DNAJC17: variants seen among roughly 807,000 people sequenced by gnomAD.
The protein encoded by DNAJC17 is DnaJ heat shock protein family (Hsp40) member C17, also known as dnaJ homolog subfamily C member 17.
In DNAJC17, 35 loss-of-function variants were observed where a neutral mutation model predicts 48.1. The observed-to-expected ratio is 0.73, with a 90% confidence interval of 0.56 to 0.96. The LOEUF is 0.96. Ranked by LOEUF, DNAJC17 falls within the 50% of genes least tolerant of loss-of-function variation. The probability of loss-of-function intolerance (pLI) is 0.00; values close to 1 mark genes in which losing one functional copy is unlikely to be tolerated. For missense variants in DNAJC17, 355 were observed against 377.1 expected (o/e 0.94, Z 0.48); for synonymous variants, 117 against 142.7 (o/e 0.82, Z 1.28).
chr15:40,767,148 G>C lies in DNAJC17; in HGVS notation c.*792C>G. 7.2e-7 allele frequency: 1 copy of C among 1,389,472 alleles called. No homozygotes were observed. The highest frequency in any genetic ancestry group is 1.5e-5 in the African/African-American group (1 of 66,738). 86.1% of individuals were successfully genotyped at this position (1,389,472 alleles called of 1,614,324 possible). A position where few individuals can be genotyped will look rare whatever the true frequency, so the allele number is the denominator to read the frequency against. The stretch of plus-strand genomic sequence containing the variant: ...GAGTCACTACAAGAGTGGCCAGGCT[G>C]CCTGCTGCAGACACTAGCTTTGTAC... On this transcript the variant is annotated 3_prime_UTR_variant, in exon 11 of 11. Transcript: ENST00000220496.
intron 1 of DNAJC17, among the ~76,000 whole-genome samples, chr15:40,793,020 G>T (rs890349075): frequency 1.5e-4 from 22 of 151,112 alleles, no homozygotes; most frequent in African/African-American, 5.4e-4. Context: ...AGCCTCCCGA[G>T]TAGCTGGGAC....
chr15:40,777,610 C>T (rs1348557595), intron 4 of DNAJC17, among the ~76,000 whole-genome samples: 6 of 151,654 alleles, frequency 4.0e-5, no homozygotes, highest in East Asian at 1.9e-4. Context: ...CCCAGCTACT[C>T]GGGAGGCTGA....
chr15:40,802,426 C>T (rs913270940), intron 1 of DNAJC17, among the ~76,000 whole-genome samples: 2 of 152,134 alleles, frequency 1.3e-5, no homozygotes, highest in African/African-American at 4.8e-5. Context: ...GCCTGGGCCT[C>T]TCGAAGTGCT....
At chr15:40,771,098 G>A (rs1040192289) in intron 10 of DNAJC17, 38 of 1,382,128 alleles carry the variant, frequency 2.7e-5, no homozygotes, top group Non-Finnish European at 3.6e-5. Flanking sequence ...ACAGGGACAG[G>A]ACTCCAGGCC....
At position 40,770,139 on chromosome 15, in the gene DNAJC17, G is replaced by A. The variant is rs1189422074; in HGVS notation, c.793-2077C>T. On this transcript the variant is annotated intron_variant, in intron 10 of 10. Coordinates refer to ENST00000220496, the MANE Select transcript of DNAJC17 (RefSeq NM_018163.3). This position sits in a 1 kb window ranked among gnomAD's most constrained non-coding sequence, Gnocchi z 5.0. ...AGCGCTCGCCAGCCTCACCCAGCCC[G>A]AGAAGGTCCACCTCTGCCTCCGCCG... The A allele has an allele frequency of 8.9e-6, 2 of 225,978 alleles. No individual in the cohort carries two copies. The highest frequency in any genetic ancestry group is 1.7e-5 in the Non-Finnish European group (2 of 114,294). The allele number at this position is 225,978 out of a possible 1,614,324, so 14.0% of individuals were successfully genotyped here.
chr15:40,778,402 G>A (rs1046207614), intron 4 of DNAJC17, among the ~76,000 whole-genome samples: 2 of 151,980 alleles, frequency 1.3e-5, no homozygotes, highest in East Asian at 1.9e-4. Context: ...ACAGGCACCC[G>A]CCACCACACC....
chr15:40,805,240 G>C (rs1890172080), intron 1 of DNAJC17, among the ~76,000 whole-genome samples: 1 of 151,818 alleles, frequency 6.6e-6, no homozygotes, highest in South Asian at 2.1e-4. Flanking sequence ...GCTGGGCGTG[G>C]TGGCGGGTGC....
chr15:40,792,137 C>T (rs1461899019), intron 1 of DNAJC17, among the ~76,000 whole-genome samples: 2 of 152,224 alleles, frequency 1.3e-5, no homozygotes, highest in South Asian at 2.1e-4. Flanking sequence ...CTGCATGCCC[C>T]GGTTGCTCCT....
At position 40,779,909 on chromosome 15, in the gene DNAJC17, G is replaced by A. The variant is rs112182506; in HGVS notation, c.148+19C>T. 7.8e-4 allele frequency: 1,264 copies of A among 1,612,262 alleles called. 9 individuals carry two copies. In the African/African-American group the frequency reaches 0.015, roughly 19 times the overall value. ...GGTGAGTGGGTTTCTTTCTCCCCAC[G>A]CCCTGAGAAGAGTCTCACCTGCTCT... On this transcript the variant is annotated intron_variant, in intron 2 of 10. Transcript: ENST00000220496.
chr15:40,780,100 A>G (rs1287092798), intron 1 of DNAJC17, 103 bp from the exon 2 acceptor site: 1 of 1,170,656 alleles, frequency 8.5e-7, no homozygotes, highest in South Asian at 1.3e-5. Context: ...CACCTAAAAG[A>G]GAAGCTGCTG....
At chr15:40,781,167 A>G (rs913523297) in intron 1 of DNAJC17, among the ~76,000 whole-genome samples, 6 of 151,632 alleles carry the variant, frequency 4.0e-5, no homozygotes, top group Non-Finnish European at 7.4e-5. Context: ...AAAAAAAAAA[A>G]AAAAAAAGAT....
At chr15:40,785,896 T>C (rs1164987090) in intron 1 of DNAJC17, among the ~76,000 whole-genome samples, 1 of 152,248 alleles carries the variant, frequency 6.6e-6, no homozygotes, top group Admixed American at 6.5e-5. Context: ...CAAGTATGTC[T>C]GTCTTGATTA....
chr15:40,778,625 A>C (rs904318412), intron 4 of DNAJC17, among the ~76,000 whole-genome samples: 1 of 152,192 alleles, frequency 6.6e-6, no homozygotes, highest in East Asian at 1.9e-4. Context: ...TTGGTGCCTT[A>C]GCTCCTTTGC....
At chr15:40,774,117 G>A in intron 9 of DNAJC17, 1 of 601,874 alleles carries the variant, frequency 1.7e-6, no homozygotes, top group Non-Finnish European at 2.9e-6. Context: ...GAAGGCACCA[G>A]CAGGGAGCAG....
chr15:40,780,927 A>G (rs1408379618), intron 1 of DNAJC17, among the ~76,000 whole-genome samples: 1 of 152,012 alleles, frequency 6.6e-6, no homozygotes, highest in African/African-American at 2.4e-5. Context: ...CGGGTGGATC[A>G]CTTGAGGTCA....
In DNAJC17 at chr15:40,795,979, G is replaced by C. The variant is rs1014214761; in HGVS notation, c.78+11390C>G. On this transcript the variant is annotated intron_variant, in intron 1 of 10. Transcript: ENST00000220496. ...ATTGCTGCTTTCTAGAGTCAGGGCT[G>C]CAAGTGGAAAGATGGAAGACTTCCT... 1.2e-4 allele frequency among the ~76,000 whole-genome samples: 18 copies of C among 152,264 alleles called. 1 individual carries two copies. The highest frequency in any genetic ancestry group is 4.1e-4 in the African/African-American group (17 of 41,464).
At position 40,770,670 on chromosome 15, in the gene DNAJC17, C is replaced by A; in HGVS notation, c.793-2608G>T. On this transcript the variant is annotated intron_variant, in intron 10 of 10. Transcript: ENST00000220496. The surrounding 1 kb of genome is among the most constrained non-coding windows in gnomAD (Gnocchi z 5.0). ...AGTCATCCGGGAGCTACAAGGGAGGCCAGATGGCCGGCGCCTGCCACTGTG... is the reference window on the plus strand; with the variant it reads ...AGTCATCCGGGAGCTACAAGGGAGGACAGATGGCCGGCGCCTGCCACTGTG... The A allele has an allele frequency of 6.5e-7, 1 of 1,549,112 alleles. No individual in the cohort carries two copies. Among genetic ancestry groups the A allele is most frequent in the South Asian group, 1.2e-5 (1 of 84,056 alleles).
intron 10 of DNAJC17, among the ~76,000 whole-genome samples, chr15:40,768,978 G>A (rs1889042127): frequency 6.6e-6 from 1 of 152,274 alleles, no homozygotes. Context: ...TGGGGACGCT[G>A]TCACAGAGCA....
intron 9 of DNAJC17, 187 bp downstream of exon 9, chr15:40,774,169 T>C (rs1397944961): frequency 1.5e-6 from 1 of 673,464 alleles, no homozygotes; most frequent in East Asian, 2.6e-5. Context: ...GCACCCCCCA[T>C]CCATCCCTTC....
Sources: allele counts gnomAD v4.1 joint callset (sites outside exome capture counted in the v4.1 genomes callset), GRCh38; gene constraint gnomAD v4.1.1; non-coding constraint Gnocchi (gnomAD v3.1); transcripts MANE v1.5; gene names NCBI Gene and HGNC (gene_info 2026-07-23, HGNC 2026-07-21).